GLIS3: variants seen among roughly 807,000 people sequenced by gnomAD.
GLIS3 encodes the protein GLIS family zinc finger 3, also known as zinc finger protein GLIS3.
GLIS3 carries 53 observed loss-of-function variants against 78.6 expected under a neutral mutation model. The ratio of observed to expected loss-of-function variants is 0.67; its 90% CI spans 0.54 to 0.85. GLIS3 has a LOEUF of 0.85. GLIS3 is among the 40% of genes least tolerant of loss of function. GLIS3 has a pLI of 0.00. For synonymous variants in GLIS3, 684 were observed against 509.9 expected, an observed-to-expected ratio of 1.34 and a Z score of -4.60; for missense variants, 1,703 against 1,231.1, an observed-to-expected ratio of 1.38 and a Z score of -5.74.
intron 2 of GLIS3, among the ~76,000 whole-genome samples, chr9:4,214,139 C>G (rs999732659): frequency 6.6e-6 from 1 of 152,152 alleles, no homozygotes; most frequent in East Asian, 1.9e-4. Context: ...TCAAACAAAA[C>G]TCATGGTGAA....
chr9:3,857,063 G>A (rs1189744556), intron 8 of GLIS3, among the ~76,000 whole-genome samples: 1 of 152,200 alleles, frequency 6.6e-6, no homozygotes, highest in Admixed American at 6.5e-5. Flanking sequence ...CAATGTTACA[G>A]TTTGGCAATG....
intron 9 of GLIS3, among the ~76,000 whole-genome samples, chr9:3,845,212 A>G (rs757169423): frequency 6.6e-6 from 1 of 152,342 alleles, no homozygotes; most frequent in Non-Finnish European, 1.5e-5. Context: ...ACCTATTCTT[A>G]TGAGAGCTGT....
intron 4 of GLIS3, among the ~76,000 whole-genome samples, chr9:4,078,336 C>A (rs1288130039): frequency 1.3e-5 from 2 of 152,180 alleles, no homozygotes; most frequent in African/African-American, 4.8e-5. Flanking sequence ...GATGCTTCTG[C>A]AAAGTCCTGC....
intron 4 of GLIS3, among the ~76,000 whole-genome samples, chr9:4,106,143 C>A (rs1203546576): frequency 1.3e-5 from 2 of 152,166 alleles, no homozygotes; most frequent in Non-Finnish European, 2.9e-5. Context: ...TCGACAAGCA[C>A]TGCTGAATCA....
the GLIS3 span, among the ~76,000 whole-genome samples, chr9:4,384,495 T>G: frequency 7.9e-5 from 12 of 151,454 alleles, no homozygotes; most frequent in South Asian, 2.5e-3. Context: ...TTTCTTTCTC[T>G]CTCTTTCCCT....
At chr9:3,849,061 T>C (rs1401161519) in intron 9 of GLIS3, among the ~76,000 whole-genome samples, 1 of 152,164 alleles carries the variant, frequency 6.6e-6, no homozygotes, top group Admixed American at 6.5e-5. Context: ...CTTCATGGTG[T>C]TTTCCTAACG....
rs371390144 is a variant in GLIS3 at position 4,286,148 on chromosome 9, T to C, written c.278A>G (p.Asn93Ser). 6 of 1,614,118 alleles carry C rather than the reference T, an allele frequency of 3.7e-6. No individual in the cohort carries two copies. The Admixed American group carries it at 5.0e-5, about 13-fold the overall frequency. ...GGTGACCTGGAATCGCGGCTTCCCA[T>C]TGGTGAGCATTTGTCTCCTGGGGCT... ...ALSPRRQMLT[N>S]GKPRFQVTQA... is the part of the protein sequence containing the mutation. Residue 93 changes from asparagine (N) to serine (S), a missense_variant, in exon 2 of 11, where the codon AAT (asparagine) becomes AGT (serine). Coordinates refer to ENST00000381971, the MANE Select transcript of GLIS3 (RefSeq NM_001042413.2).
At chr9:4,466,560 T>G in the GLIS3 span, among the ~76,000 whole-genome samples, 1 of 152,170 alleles carries the variant, frequency 6.6e-6, no homozygotes, top group African/African-American at 2.4e-5. Context: ...AAATTTAATC[T>G]AACAATATAT....
At chr9:3,907,602 C>CACACACACACACA (rs1554644529) in intron 6 of GLIS3, among the ~76,000 whole-genome samples, 1 of 81,542 alleles carries the variant, frequency 1.2e-5, no homozygotes, top group African/African-American at 4.8e-5. Flanking sequence ...CCTCCACCCC[C>CACACACACACACA]CAAACACACA....
At chr9:3,882,646 C>G (rs564090158) in intron 7 of GLIS3, among the ~76,000 whole-genome samples, 1 of 152,220 alleles carries the variant, frequency 6.6e-6, no homozygotes, top group African/African-American at 2.4e-5. Context: ...TGTTGACTGA[C>G]CACCAGTCAA....
At chr9:4,037,379 G>C (rs1452516139) in intron 4 of GLIS3, among the ~76,000 whole-genome samples, 3 of 152,152 alleles carry the variant, frequency 2.0e-5, no homozygotes, top group African/African-American at 7.2e-5. Flanking sequence ...GATGGTAAAA[G>C]TGTCGATCTG....
At chr9:4,450,846 G>A in the GLIS3 span, among the ~76,000 whole-genome samples, 14 of 152,140 alleles carry the variant, frequency 9.2e-5, no homozygotes, top group African/African-American at 3.1e-4. Context: ...GCTCCTGAAG[G>A]AAGCACTAAA....
At chr9:3,926,292 G>A (rs181096819) in intron 6 of GLIS3, among the ~76,000 whole-genome samples, 1 of 145,484 alleles carries the variant, frequency 6.9e-6, no homozygotes, top group Admixed American at 6.9e-5. Flanking sequence ...GTGCAGTGGT[G>A]CAATCTCTGC....
intron 2 of GLIS3, among the ~76,000 whole-genome samples, chr9:4,199,931 C>G (rs1343709172): frequency 6.6e-6 from 1 of 152,014 alleles, no homozygotes; most frequent in Non-Finnish European, 1.5e-5. Flanking sequence ...ACAATAAATT[C>G]AAAAAAATCG....
At chr9:4,004,047 TAA>T (rs1431837811) in intron 4 of GLIS3, among the ~76,000 whole-genome samples, 1 of 152,198 alleles carries the variant, frequency 6.6e-6, no homozygotes. Context: ...CCATGTCAGG[TAA>T]AGTGTTAGAA....
chr9:4,303,290 C>CAT (rs1554654870), upstream of GLIS3, among the ~76,000 whole-genome samples: 19,774 of 151,490 alleles, frequency 0.13, 2,341 homozygotes, highest in African/African-American at 0.32. Context: ...CACACACACA[C>CAT]GAGCTGGCAA....
chr9:3,830,753 GC>G (rs1817998808), intron 9 of GLIS3, among the ~76,000 whole-genome samples: 1 of 152,136 alleles, frequency 6.6e-6, no homozygotes, highest in Admixed American at 6.5e-5. Flanking sequence ...AGATTGGAAG[GC>G]TTCATCCCTT....
intron 9 of GLIS3, among the ~76,000 whole-genome samples, chr9:3,854,099 T>C (rs543096586): frequency 2.6e-4 from 39 of 152,314 alleles, no homozygotes; most frequent in Admixed American, 8.5e-4. Flanking sequence ...AGGCTGTGCA[T>C]CTACTGCCTG....
At chr9:4,437,420 GTATCTATCTATCTATCTATC>G in the GLIS3 span, among the ~76,000 whole-genome samples, 8 of 126,928 alleles carry the variant, frequency 6.3e-5, no homozygotes, top group Admixed American at 1.5e-4. Context: ...ATGTATGTAT[GTATCTATCTATCTATCTATC>G]TATCTATCTA....
Sources: allele counts gnomAD v4.1 joint callset (sites outside exome capture counted in the v4.1 genomes callset), GRCh38; gene constraint gnomAD v4.1.1; transcripts MANE v1.5; gene names NCBI Gene and HGNC (gene_info 2026-07-23, HGNC 2026-07-21).